Variants in DRC11 observed in about 807,000 individuals in gnomAD.
DRC11 encodes the protein dynein regulatory complex subunit 11.
the DRC11 span, among the ~76,000 whole-genome samples, chr2:236,432,448 T>C: frequency 6.6e-5 from 10 of 152,200 alleles, no homozygotes; most frequent in African/African-American, 2.4e-4. Context: ...TGATCAATTT[T>C]GTTTGTCAGT....
chr2:236,318,037 A>G, the DRC11 span, among the ~76,000 whole-genome samples: 4 of 152,166 alleles, frequency 2.6e-5, no homozygotes, highest in Admixed American at 6.5e-5. The surrounding 1 kb of genome is among the most constrained non-coding windows in gnomAD (Gnocchi z 7.0). Context: ...TGTGTCCTGG[A>G]AAGTTCATTA....
chr2:236,417,597 C>T, the DRC11 span, among the ~76,000 whole-genome samples: 1 of 150,976 alleles, frequency 6.6e-6, no homozygotes, highest in South Asian at 2.1e-4. Flanking sequence ...TTCTGGGATA[C>T]ATGTGCAGAA....
the DRC11 span, among the ~76,000 whole-genome samples, chr2:236,355,309 G>A: frequency 8.9e-3 from 1,351 of 152,352 alleles, 23 homozygotes; most frequent in African/African-American, 0.031. Context: ...GGGAGGCCCT[G>A]CCTATGTGGG....
At chr2:236,309,180 G>A in the DRC11 span, among the ~76,000 whole-genome samples, 17 of 152,268 alleles carry the variant, frequency 1.1e-4, no homozygotes, top group African/African-American at 3.9e-4. The surrounding 1 kb of genome is among the most constrained non-coding windows in gnomAD (Gnocchi z 5.7). Context: ...CCCTCGCGGC[G>A]GCTCCCTGCT....
chr2:236,440,003 T>C, the DRC11 span, among the ~76,000 whole-genome samples: 2 of 152,196 alleles, frequency 1.3e-5, no homozygotes, highest in Non-Finnish European at 2.9e-5. Flanking sequence ...AGAAGGTTTA[T>C]AATCTCATGG....
chr2:236,348,961 T>C, the DRC11 span, among the ~76,000 whole-genome samples: 1 of 152,046 alleles, frequency 6.6e-6, no homozygotes, highest in Non-Finnish European at 1.5e-5. This position sits in a 1 kb window ranked among gnomAD's most constrained non-coding sequence, Gnocchi z 7.4. Context: ...CATCCCCACA[T>C]GGTGCCTGCC....
At chr2:236,398,261 T>G in the DRC11 span, among the ~76,000 whole-genome samples, 2 of 152,142 alleles carry the variant, frequency 1.3e-5, no homozygotes, top group South Asian at 2.1e-4. The surrounding 1 kb of genome is among the most constrained non-coding windows in gnomAD (Gnocchi z 6.2). Flanking sequence ...GGGTTCCCCT[T>G]TAGTTCAGCA....
At chr2:236,507,130 G>T in the DRC11 span, 2 of 872,058 alleles carry the variant, frequency 2.3e-6, no homozygotes, top group South Asian at 3.0e-5. Flanking sequence ...AAAAGTGGGG[G>T]AGAGGAGGGA....
At chr2:236,369,394 T>C in the DRC11 span, among the ~76,000 whole-genome samples, 2 of 152,202 alleles carry the variant, frequency 1.3e-5, no homozygotes, top group Non-Finnish European at 2.9e-5. The surrounding 1 kb of genome is among the most constrained non-coding windows in gnomAD (Gnocchi z 4.5). Flanking sequence ...GAATGAGTGA[T>C]AATGAAAGCA....
At chr2:236,364,800 T>C in the DRC11 span, among the ~76,000 whole-genome samples, 3 of 152,226 alleles carry the variant, frequency 2.0e-5, no homozygotes, top group Non-Finnish European at 4.4e-5. Flanking sequence ...GGGCTCTTTT[T>C]GATACTCTGT....
chr2:236,383,629 G>T, the DRC11 span, among the ~76,000 whole-genome samples: 66,442 of 148,488 alleles, frequency 0.45, 15,232 homozygotes, highest in African/African-American at 0.5. Context: ...TATGTTGTGT[G>T]GTCATTTTTT....
chr2:236,354,232 G>A, the DRC11 span, among the ~76,000 whole-genome samples: 2 of 147,578 alleles, frequency 1.4e-5, no homozygotes, highest in Non-Finnish European at 3.0e-5. Flanking sequence ...ATGTGCGTAT[G>A]TTAGTATGAG....
the DRC11 span, among the ~76,000 whole-genome samples, chr2:236,485,676 T>C: frequency 6.6e-6 from 1 of 152,176 alleles, no homozygotes; most frequent in Admixed American, 6.5e-5. Context: ...GCTTAAGGGA[T>C]TGTCACATGA....
At chr2:236,338,598 C>A in the DRC11 span, among the ~76,000 whole-genome samples, 1 of 152,176 alleles carries the variant, frequency 6.6e-6, no homozygotes, top group Non-Finnish European at 1.5e-5. Context: ...TTTCCTCAAC[C>A]TCTGGTGTCC....
chr2:236,414,920 G>C, the DRC11 span, among the ~76,000 whole-genome samples: 1 of 152,210 alleles, frequency 6.6e-6, no homozygotes, highest in East Asian at 1.9e-4. Context: ...CACTAGCCCT[G>C]CAATAAATTG....
the DRC11 span, among the ~76,000 whole-genome samples, chr2:236,396,973 G>T: frequency 2.6e-5 from 4 of 152,168 alleles, no homozygotes; most frequent in African/African-American, 9.7e-5. Context: ...GGCAGAGGGG[G>T]ACTGTCACTC....
chr2:236,368,257 C>G, the DRC11 span: 1 of 1,609,216 alleles, frequency 6.2e-7, no homozygotes, highest in Admixed American at 1.7e-5. Flanking sequence ...GGCATGGGTT[C>G]TATGGACACC....
chr2:236,308,326 C>G, the DRC11 span, among the ~76,000 whole-genome samples: 1 of 152,238 alleles, frequency 6.6e-6, no homozygotes, highest in Admixed American at 6.5e-5. This position sits in a 1 kb window ranked among gnomAD's most constrained non-coding sequence, Gnocchi z 6.0. Context: ...GGAGACCCCC[C>G]TTGGAGGGCT....
At chr2:236,384,382 T>C in the DRC11 span, among the ~76,000 whole-genome samples, 11 of 151,946 alleles carry the variant, frequency 7.2e-5, no homozygotes, top group East Asian at 1.5e-3. Context: ...TGGTATCTCA[T>C]TGTGGTTTTG....
Sources: gnomAD v4.1 joint callset for allele counts (sites outside exome capture counted in the v4.1 genomes callset) on GRCh38, gnomAD v4.1.1 for gene constraint, Gnocchi (gnomAD v3.1) non-coding constraint, MANE v1.5 for transcripts, NCBI Gene and HGNC (gene_info 2026-07-23, HGNC 2026-07-21) for gene names.